OR51E2: variants seen among roughly 807,000 people sequenced by gnomAD.
The protein encoded by OR51E2 is olfactory receptor family 51 subfamily E member 2.
A neutral mutation model predicts 13.7 loss-of-function variants in OR51E2; 14 were observed. That is an observed-to-expected ratio of 1.02 (90% CI 0.68 to 1.60). The LOEUF is 1.60. Among genes scored for constraint, OR51E2 ranks in the 40% most tolerant of loss-of-function variants. The probability of loss-of-function intolerance (pLI) is 0.00; values close to 1 mark genes in which losing one functional copy is unlikely to be tolerated. For synonymous variants in OR51E2, 180 were observed against 157.6 expected, an observed-to-expected ratio of 1.14 and a Z score of -1.07; for missense variants, 483 against 413.8, an observed-to-expected ratio of 1.17 and a Z score of -1.45.
Position 4,682,449 on chromosome 11 carries a change from G to A in OR51E2, c.263C>T (p.Ser88Phe), listed in dbSNP as rs1384926853. 2 of 1,614,096 alleles carry A rather than the reference G, an allele frequency of 1.2e-6. No individual in the cohort carries two copies. Among genetic ancestry groups the A allele is most frequent in the Non-Finnish European group, 1.7e-6 (2 of 1,180,046 alleles). ...ACAGGCCTCAAAGCTAATCTCTCGG[G>A]AATCAAACCAGAAAAGGGCAAGGAT... ...PKILALFWFD[S>F]REISFEACLT... Residue 88 changes from serine to phenylalanine, a missense_variant, in exon 2 of 2, where the codon TCC becomes TTC. Coordinates refer to ENST00000396950, the MANE Select transcript of OR51E2 (RefSeq NM_030774.4).
At position 4,681,992 on chromosome 11, in the gene OR51E2, A is replaced by G; in HGVS notation, c.720T>C (p.Cys240=). 1 of 1,614,274 alleles carries G rather than the reference A, an allele frequency of 6.2e-7. No homozygotes were observed. The highest frequency in any genetic ancestry group is 8.5e-7 in the Non-Finnish European group (1 of 1,180,054). Residue 240 remains cysteine (C), a synonymous_variant, in exon 2 of 2, where the codon TGT becomes TGC. Transcript: ENST00000396950. ...CGAGTACCACACCAATGTGTGACAC[A>G]CAGGTTCCAAAGGCCTTGGCCCGCT... The part of the protein sequence containing the change: ...KSERAKAFGT[C]VSHIGVVLAF...
intron 1 of OR51E2, among the ~76,000 whole-genome samples, chr11:4,684,031 T>A (rs1212647632): frequency 6.6e-6 from 1 of 152,204 alleles, no homozygotes; most frequent in Admixed American, 6.5e-5. Context: ...GGAGATGCCC[T>A]TCAGTTTGGC....
At chr11:4,694,697 G>A (rs958292891) in intron 1 of OR51E2, among the ~76,000 whole-genome samples, 14 of 152,018 alleles carry the variant, frequency 9.2e-5, no homozygotes, top group Admixed American at 2.0e-4. Flanking sequence ...GCCAGACAGC[G>A]TCTATCAGCA....
At position 4,682,713 on chromosome 11, in the gene OR51E2, G is replaced by T. The variant is rs1239705184; in HGVS notation, c.-2C>A. The T allele has an allele frequency of 6.2e-7, 1 of 1,611,886 alleles. No individual in the cohort carries two copies. The highest frequency in any genetic ancestry group is 1.1e-5 in the South Asian group (1 of 90,808). On this transcript the variant is annotated 5_prime_UTR_variant, in exon 2 of 2. Coordinates refer to ENST00000396950, the MANE Select transcript of OR51E2 (RefSeq NM_030774.4). The stretch of plus-strand genomic sequence containing the variant: ...ATGTGTGAAGTTGCAGGAACTCATA[G>T]CTGGAACTGAGGAGGGGTGACTGGA...
chr11:4,683,283 G>C (rs554389491), intron 1 of OR51E2, among the ~76,000 whole-genome samples: 1 of 152,124 alleles, frequency 6.6e-6, no homozygotes, highest in Non-Finnish European at 1.5e-5. Flanking sequence ...TAGACAGAGT[G>C]GAATAATGGG....
At chr11:4,688,355 A>G (rs1072894) in intron 1 of OR51E2, among the ~76,000 whole-genome samples, 96,805 of 151,852 alleles carry the variant, frequency 0.64, 32,049 homozygotes, top group Non-Finnish European at 0.72. Flanking sequence ...TGGAGGACGA[A>G]CATTCCAGGT....
intron 1 of OR51E2, chr11:4,691,634 T>C (rs1177165228): frequency 2.3e-6 from 1 of 440,842 alleles, no homozygotes; most frequent in East Asian, 7.0e-5. Flanking sequence ...TGTGGAAGGC[T>C]TCCAGCCCAG....
intron 1 of OR51E2, among the ~76,000 whole-genome samples, chr11:4,688,866 A>G (rs1847546264): frequency 6.6e-6 from 1 of 152,210 alleles, no homozygotes; most frequent in Non-Finnish European, 1.5e-5. Context: ...GGATAACTCC[A>G]AGTGCTTTGT....
At chr11:4,693,815 A>G (rs1345029810) in intron 1 of OR51E2, among the ~76,000 whole-genome samples, 2 of 152,198 alleles carry the variant, frequency 1.3e-5, no homozygotes, top group African/African-American at 4.8e-5. Context: ...ACATTAACTG[A>G]GTATCTGGAT....
Position 4,682,467 on chromosome 11 carries a change from G to A in OR51E2, c.245C>T (p.Ala82Val), listed in dbSNP as rs779657430. 9 of 1,614,218 alleles carry A rather than the reference G, an allele frequency of 5.6e-6. No homozygotes were observed. The highest frequency in any genetic ancestry group is 5.1e-6 in the Non-Finnish European group (6 of 1,180,040). ...LSTSTMPKIL[A>V]LFWFDSREIS... Reference sequence around the variant, plus strand: ...CTCTCGGGAATCAAACCAGAAAAGGGCAAGGATCTTAGGCATGGTGGATGT... The same window carrying A: ...CTCTCGGGAATCAAACCAGAAAAGGACAAGGATCTTAGGCATGGTGGATGT... The change falls in exon 2 of 2, where the codon GCC becomes GTC. Residue 82 changes from alanine (A) to valine (V), a missense_variant. Ala to Val is a moderately conservative substitution (Grantham distance 64). Transcript: ENST00000396950.
intron 1 of OR51E2, among the ~76,000 whole-genome samples, chr11:4,694,573 TATACAC>T (rs1564888483): frequency 8.4e-6 from 1 of 118,874 alleles, no homozygotes; most frequent in Non-Finnish European, 2.0e-5. Flanking sequence ...TACATATATA[TATACAC>T]ACACACACAC....
intron 1 of OR51E2, among the ~76,000 whole-genome samples, chr11:4,695,548 A>T (rs1001265516): frequency 3.9e-5 from 6 of 152,188 alleles, no homozygotes; most frequent in African/African-American, 1.4e-4. Context: ...TTTGGAGAAC[A>T]GTCTGCTTTT....
In OR51E2 at chr11:4,695,956, C is replaced by G. The variant is rs566640534; in HGVS notation, c.-51+1697G>C. Among the ~76,000 whole-genome samples the G allele has an allele frequency of 2.6e-5, 4 of 152,204 alleles. No homozygotes were observed. The South Asian group carries it at 8.3e-4, about 32-fold the overall frequency. ...AAATAGCACTTATATCCAGAAGACT[C>G]ATAAATCTGCAATCTAATTATGGCA... On this transcript the variant is annotated intron_variant, in intron 1 of 1. Coordinates refer to ENST00000396950, the MANE Select transcript of OR51E2 (RefSeq NM_030774.4).
intron 1 of OR51E2, among the ~76,000 whole-genome samples, chr11:4,694,531 C>CGT (rs1554924823): frequency 2.7e-5 from 4 of 147,160 alleles, no homozygotes; most frequent in Non-Finnish European, 5.9e-5. Context: ...TACACACACA[C>CGT]ATATATACGT....
intron 1 of OR51E2, among the ~76,000 whole-genome samples, chr11:4,686,358 G>T (rs1262351398): frequency 6.6e-6 from 1 of 152,200 alleles, no homozygotes; most frequent in African/African-American, 2.4e-5. Flanking sequence ...TTGTAGCTTG[G>T]CTGAAGCATA....
chr11:4,690,231 T>C (rs1172348000), intron 1 of OR51E2, among the ~76,000 whole-genome samples: 2 of 151,996 alleles, frequency 1.3e-5, no homozygotes, highest in Non-Finnish European at 2.9e-5. Flanking sequence ...CTCAATTTTC[T>C]TATTGATAAT....
In OR51E2 at chr11:4,682,653, T is replaced by C. The variant is rs756465953; in HGVS notation, c.59A>G (p.Glu20Gly). The C allele has an allele frequency of 1.2e-6, 2 of 1,614,182 alleles. No individual in the cohort carries two copies. Among genetic ancestry groups the C allele is most frequent in the Non-Finnish European group, 1.7e-6 (2 of 1,180,028 alleles). The change falls in exon 2 of 2, where the codon GAG becomes GGG. Residue 20 changes from glutamate to glycine, a missense_variant. By Grantham distance (98) the Glu-to-Gly change is moderately conservative. Coordinates refer to ENST00000396950, the MANE Select transcript of OR51E2 (RefSeq NM_030774.4). ...GAAGCCAACCCAGAAATGGGCTTTC[T>C]CTAATCCTGGGATACCAATAAGCAC... ...TFVLIGIPGL[E>G]KAHFWVGFPL...
intron 1 of OR51E2, chr11:4,690,932 C>A (rs1313697518): frequency 1.3e-5 from 6 of 455,088 alleles, no homozygotes; most frequent in Non-Finnish European, 2.2e-5. Context: ...ACAGACTGAT[C>A]AATGGAATGT....
At chr11:4,691,454 C>T (rs1847578258) in intron 1 of OR51E2, 2 of 456,500 alleles carry the variant, frequency 4.4e-6, no homozygotes, top group Non-Finnish European at 8.8e-6. Context: ...ATATACTCAG[C>T]ATGGTGACCA....
Sources: allele counts gnomAD v4.1 joint callset (sites outside exome capture counted in the v4.1 genomes callset), GRCh38; gene constraint gnomAD v4.1.1; transcripts MANE v1.5; gene names NCBI Gene and HGNC (gene_info 2026-07-23, HGNC 2026-07-21).